Variants in SGIP1 observed in about 807,000 individuals in gnomAD.
SGIP1 encodes SH3-containing GRB2-like protein 3-interacting protein 1.
SGIP1 carries 38 observed loss-of-function variants against 107.5 expected under a neutral mutation model. That is an observed-to-expected ratio of 0.35 (90% CI 0.27 to 0.46). The LOEUF is 0.46. Ranked by LOEUF, SGIP1 falls within the 20% of genes least tolerant of loss-of-function variation. The pLI is 1.00. For synonymous variants in SGIP1, 365 were observed against 366.1 expected (o/e 1.00, Z 0.03); for missense variants, 929 against 1,019.5 (o/e 0.91, Z 1.21).
chr1:66,723,239 G>T (rs141960765), intron 19 of SGIP1, among the ~76,000 whole-genome samples: 97 of 152,262 alleles, frequency 6.4e-4, no homozygotes, highest in African/African-American at 2.1e-3. Flanking sequence ...ATTTGATTTT[G>T]TCTATAGTTC....
chr1:66,722,327 C>G (rs1486878194), intron 19 of SGIP1, among the ~76,000 whole-genome samples: 1 of 152,206 alleles, frequency 6.6e-6, no homozygotes, highest in Non-Finnish European at 1.5e-5. Flanking sequence ...CCCACCCCGT[C>G]AACATTTTCT....
chr1:66,682,420 G>T, intron 15 of SGIP1, 51 bp downstream of exon 15: 1 of 1,558,886 alleles, frequency 6.4e-7, no homozygotes, highest in Non-Finnish European at 8.6e-7. Flanking sequence ...GGCCATGGCT[G>T]CTGCAGTGTG....
chr1:66,610,397 A>G (rs890111349), intron 1 of SGIP1, among the ~76,000 whole-genome samples: 5 of 152,202 alleles, frequency 3.3e-5, no homozygotes, highest in African/African-American at 1.2e-4. Context: ...AAAGTTTGAG[A>G]CCAGGCTCCC....
intron 1 of SGIP1, among the ~76,000 whole-genome samples, chr1:66,557,159 T>A (rs2058304815): frequency 6.6e-6 from 1 of 152,018 alleles, no homozygotes; most frequent in Admixed American, 6.6e-5. Flanking sequence ...TCTCAACAGG[T>A]CTGTTATTTT....
Position 66,677,055 on chromosome 1 carries a change from G to A in SGIP1, c.698G>A (p.Ser233Asn), listed in dbSNP as rs750540778. The A allele has an allele frequency of 3.1e-6, 5 of 1,613,908 alleles. No individual in the cohort carries two copies. The highest frequency in any genetic ancestry group is 1.3e-5 in the African/African-American group (1 of 74,960). ...GGTTCAGGCCAACCAATTAATCCAA[G>A]CATGGAGTCGCCAAAGTTAACAAGG... Reference protein sequence around the residue: ...IWGSGQPINPSMESPKLTRPF... With the variant: ...IWGSGQPINPNMESPKLTRPF... The change falls in exon 13 of 25, where the codon AGC (serine) becomes AAC (asparagine). Residue 233 changes from serine (S) to asparagine (N), a missense_variant. By Grantham distance (46) the Ser-to-Asn change is conservative (BLOSUM62 1). Coordinates refer to ENST00000371037, the MANE Select transcript of SGIP1 (RefSeq NM_032291.4).
At position 66,534,268 on chromosome 1, in the gene SGIP1, C is replaced by A. The variant is rs2053043031; in HGVS notation, c.-91C>A. The A allele has an allele frequency of 3.7e-6, 5 of 1,339,732 alleles. No individual in the cohort carries two copies. The highest frequency in any genetic ancestry group is 5.4e-6 in the Non-Finnish European group (5 of 930,666). 83.0% of individuals were successfully genotyped at this position (1,339,732 alleles called of 1,614,324 possible). On this transcript the variant is annotated 5_prime_UTR_variant, in exon 1 of 25. Transcript: ENST00000371037. ...CAGCGGACGGAATAGACCTCAGCAG[C>A]GGCGTGGTGAGGACTTAGCTGGGAC...
intron 1 of SGIP1, among the ~76,000 whole-genome samples, chr1:66,599,009 A>C (rs1209051292): frequency 6.6e-6 from 1 of 152,192 alleles, no homozygotes; most frequent in Non-Finnish European, 1.5e-5. Context: ...GAAATGAAGA[A>C]GGCAGTGTTC....
At chr1:66,629,694 A>T (rs1369292155) in intron 2 of SGIP1, among the ~76,000 whole-genome samples, 1 of 152,216 alleles carries the variant, frequency 6.6e-6, no homozygotes, top group Non-Finnish European at 1.5e-5. Flanking sequence ...GTCTGCCATG[A>T]AAAAGAAAAA....
At chr1:66,535,840 A>G (rs1300703064) in intron 1 of SGIP1, among the ~76,000 whole-genome samples, 2 of 152,234 alleles carry the variant, frequency 1.3e-5, no homozygotes, top group Non-Finnish European at 2.9e-5. Context: ...CATGTGGATT[A>G]TCTTCTTCAG....
intron 15 of SGIP1, among the ~76,000 whole-genome samples, chr1:66,687,958 C>T (rs577942739): frequency 6.6e-6 from 1 of 152,226 alleles, no homozygotes; most frequent in Non-Finnish European, 1.5e-5. Context: ...CCCCCAGGGA[C>T]TCTCCTAAAA....
chr1:66,666,171 GTTTCAGC>G, intron 8 of SGIP1: 1 of 152,268 alleles, frequency 6.6e-6, no homozygotes, highest in Admixed American at 6.5e-5. Context: ...AAGGGATCCA[GTTTCAGC>G]TTTCTACATA....
At chr1:66,566,591 A>G (rs2059672821) in intron 1 of SGIP1, among the ~76,000 whole-genome samples, 1 of 151,978 alleles carries the variant, frequency 6.6e-6, no homozygotes, top group East Asian at 1.9e-4. Context: ...CTAGTTTTTC[A>G]TCTGTCATGT....
chr1:66,738,300 T>C (rs1467814987), intron 21 of SGIP1, among the ~76,000 whole-genome samples: 1 of 152,222 alleles, frequency 6.6e-6, no homozygotes, highest in African/African-American at 2.4e-5. Flanking sequence ...GGTGATCATA[T>C]GTGCAGGCAT....
At chr1:66,626,841 G>C (rs891070179) in intron 2 of SGIP1, among the ~76,000 whole-genome samples, 4 of 152,130 alleles carry the variant, frequency 2.6e-5, no homozygotes, top group Admixed American at 2.6e-4. Flanking sequence ...ATCTCTGAAA[G>C]AAAGTTAGAA....
chr1:66,648,870 A>G (rs1383068744), intron 7 of SGIP1, among the ~76,000 whole-genome samples: 1 of 152,156 alleles, frequency 6.6e-6, no homozygotes, highest in Admixed American at 6.5e-5. Flanking sequence ...GTAACCTTAG[A>G]CAAGCCCCAT....
chr1:66,678,490 T>G (rs899004067), intron 13 of SGIP1, among the ~76,000 whole-genome samples: 21 of 152,178 alleles, frequency 1.4e-4, no homozygotes, highest in Non-Finnish European at 4.4e-5. Context: ...TTTATGGTAT[T>G]TTGTTGATTA....
chr1:66,647,803 A>G (rs933713833), intron 7 of SGIP1, among the ~76,000 whole-genome samples: 4 of 152,160 alleles, frequency 2.6e-5, no homozygotes, highest in Non-Finnish European at 5.9e-5. Flanking sequence ...AGGCTGTTCC[A>G]TTGCTGAAAG....
chr1:66,681,118 A>T (rs1273290262), intron 14 of SGIP1, among the ~76,000 whole-genome samples: 3 of 152,228 alleles, frequency 2.0e-5, no homozygotes, highest in Non-Finnish European at 4.4e-5. Flanking sequence ...AAAAATTTTT[A>T]AATTATTTTC....
At chr1:66,695,271 A>AAAAAAAAATT in intron 17 of SGIP1, 163 bp from the exon 18 acceptor site, 1 of 1,325,974 alleles carries the variant, frequency 7.5e-7, no homozygotes, top group Non-Finnish European at 9.9e-7. Flanking sequence ...AAAAAAAAAA[A>AAAAAAAAATT]GTGTAGATTG....
Sources: allele counts gnomAD v4.1 joint callset (sites outside exome capture counted in the v4.1 genomes callset), GRCh38; gene constraint gnomAD v4.1.1; transcripts MANE v1.5; gene names NCBI Gene and HGNC (gene_info 2026-07-23, HGNC 2026-07-21).